CSMD1: variants seen among roughly 807,000 people sequenced by gnomAD.
The protein encoded by CSMD1 is CUB and Sushi multiple domains 1.
In CSMD1, 213 loss-of-function variants were observed where a neutral mutation model predicts 417.5. That is an observed-to-expected ratio of 0.51 (90% CI 0.46 to 0.57). The LOEUF (loss-of-function observed/expected upper bound fraction) is 0.57, where lower values mean the gene tolerates loss of function less well. Ranked by LOEUF, CSMD1 falls within the 20% of genes least tolerant of loss-of-function variation. CSMD1 has a pLI of 0.00. For missense variants in CSMD1, 6,923 were observed against 4,529.7 expected, an observed-to-expected ratio of 1.53 and a Z score of -15.17; for synonymous variants, 2,862 against 1,736.8, an observed-to-expected ratio of 1.65 and a Z score of -16.11.
chr8:4,392,807 A>G (rs1803939516), intron 3 of CSMD1, among the ~76,000 whole-genome samples: 1 of 151,770 alleles, frequency 6.6e-6, no homozygotes, highest in African/African-American at 2.4e-5. Context: ...ATCTCTAGTA[A>G]AAATACAAAT....
intron 7 of CSMD1, among the ~76,000 whole-genome samples, chr8:3,693,913 G>C (rs1228779233): frequency 3.3e-5 from 5 of 151,318 alleles, no homozygotes; most frequent in African/African-American, 7.3e-5. Flanking sequence ...CGTCTTGTGT[G>C]TGTGTGTGTT....
chr8:3,294,916 C>G (rs889501826), intron 25 of CSMD1, among the ~76,000 whole-genome samples: 1 of 152,102 alleles, frequency 6.6e-6, no homozygotes, highest in Non-Finnish European at 1.5e-5. Context: ...CTGCGTCATT[C>G]ATGCTGGGAG....
At chr8:3,373,984 G>T (rs1006668054) in intron 18 of CSMD1, among the ~76,000 whole-genome samples, 3 of 141,942 alleles carry the variant, frequency 2.1e-5, no homozygotes, top group African/African-American at 7.9e-5. Context: ...ATGGAGACTT[G>T]CTTCTTTGCC....
intron 8 of CSMD1, among the ~76,000 whole-genome samples, chr8:3,596,315 G>A (rs1801092548): frequency 6.6e-6 from 1 of 152,148 alleles, no homozygotes; most frequent in South Asian, 2.1e-4. Flanking sequence ...TGCCCAGGCA[G>A]CAGCTGGAGC....
At chr8:4,139,483 T>C (rs145686007) in intron 3 of CSMD1, among the ~76,000 whole-genome samples, 5 of 144,600 alleles carry the variant, frequency 3.5e-5, no homozygotes, top group African/African-American at 1.5e-4. Context: ...GTGAGGAAGG[T>C]GGCGTGGATG....
chr8:3,252,472 T>A (rs969163455), intron 26 of CSMD1, among the ~76,000 whole-genome samples: 1 of 152,194 alleles, frequency 6.6e-6, no homozygotes, highest in Admixed American at 6.5e-5. Flanking sequence ...GCCAGTATTT[T>A]ATTGAGGATT....
intron 3 of CSMD1, among the ~76,000 whole-genome samples, chr8:4,221,464 T>C (rs760552043): frequency 3.4e-4 from 51 of 151,766 alleles, no homozygotes; most frequent in Middle Eastern, 3.5e-3. Flanking sequence ...CTTAGCAGAA[T>C]TGATAAAGCT....
chr8:4,260,274 G>A (rs1209414716), intron 3 of CSMD1, among the ~76,000 whole-genome samples: 1 of 152,080 alleles, frequency 6.6e-6, no homozygotes, highest in African/African-American at 2.4e-5. Flanking sequence ...TGAAATTAAT[G>A]TTTGTATTTG....
At chr8:3,942,275 C>A (rs147424709) in intron 5 of CSMD1, among the ~76,000 whole-genome samples, 1 of 151,960 alleles carries the variant, frequency 6.6e-6, no homozygotes, top group South Asian at 2.1e-4. Flanking sequence ...AAATGTAATG[C>A]GCTTGAATCA....
chr8:3,470,466 A>C (rs1485095164), intron 11 of CSMD1, among the ~76,000 whole-genome samples: 3 of 152,192 alleles, frequency 2.0e-5, no homozygotes, highest in Non-Finnish European at 4.4e-5. Flanking sequence ...AAACTATAAC[A>C]ATCAGGACAT....
At chr8:3,581,846 C>A (rs1800396139) in intron 9 of CSMD1, among the ~76,000 whole-genome samples, 1 of 152,014 alleles carries the variant, frequency 6.6e-6, no homozygotes, top group African/African-American at 2.4e-5. Flanking sequence ...CTCTTGTCAC[C>A]CAGGCTGGAG....
chr8:4,741,773 C>G (rs1486598323), intron 1 of CSMD1, among the ~76,000 whole-genome samples: 1 of 152,088 alleles, frequency 6.6e-6, no homozygotes, highest in African/African-American at 2.4e-5. Flanking sequence ...CCCAGACCTG[C>G]AGGATGCAAA....
chr8:3,103,551 A>C (rs759959633), intron 46 of CSMD1, among the ~76,000 whole-genome samples: 7 of 152,072 alleles, frequency 4.6e-5, no homozygotes, highest in Non-Finnish European at 8.8e-5. Context: ...TGCAACTGCT[A>C]GACGTCACTC....
intron 1 of CSMD1, among the ~76,000 whole-genome samples, chr8:4,992,590 G>T (rs540481082): frequency 6.6e-6 from 1 of 152,148 alleles, no homozygotes; most frequent in Non-Finnish European, 1.5e-5. Flanking sequence ...CCCTCACCCC[G>T]CTGCGACACA....
intron 26 of CSMD1, among the ~76,000 whole-genome samples, chr8:3,260,195 T>G (rs1800951925): frequency 6.6e-6 from 1 of 152,226 alleles, no homozygotes; most frequent in African/African-American, 2.4e-5. Flanking sequence ...TATTATCTGC[T>G]TCCTCACCCT....
At chr8:3,091,780 T>A in intron 47 of CSMD1, 118 bp from the exon 48 acceptor site, 2 of 799,148 alleles carry the variant, frequency 2.5e-6, no homozygotes, top group Non-Finnish European at 3.7e-6. Context: ...ATATAATTAT[T>A]ACAAAAGTGG....
At chr8:4,574,077 A>C (rs562368693) in intron 2 of CSMD1, among the ~76,000 whole-genome samples, 1 of 152,078 alleles carries the variant, frequency 6.6e-6, no homozygotes. Context: ...GGTGGGACCC[A>C]CTGAGCAAGA....
chr8:3,263,678 G>A (rs867252104), intron 26 of CSMD1, among the ~76,000 whole-genome samples: 2 of 152,096 alleles, frequency 1.3e-5, no homozygotes, highest in Non-Finnish European at 2.9e-5. Flanking sequence ...CATAAAAATA[G>A]GATAAGTGAA....
At chr8:4,371,134 A>G (rs1802371079) in intron 3 of CSMD1, among the ~76,000 whole-genome samples, 1 of 152,180 alleles carries the variant, frequency 6.6e-6, no homozygotes, top group Non-Finnish European at 1.5e-5. Context: ...AGAGTTTCAC[A>G]GTAGAACAAG....
Sources: gnomAD v4.1 joint callset for allele counts (sites outside exome capture counted in the v4.1 genomes callset) on GRCh38, gnomAD v4.1.1 for gene constraint, MANE v1.5 for transcripts, NCBI Gene and HGNC (gene_info 2026-07-23, HGNC 2026-07-21) for gene names.